Variants in NME7 observed in about 807,000 individuals in gnomAD.
NME7 encodes the protein nucleoside diphosphate kinase 7.
In NME7, 41 loss-of-function variants were observed where a neutral mutation model predicts 49.1. The ratio of observed to expected loss-of-function variants is 0.83; its 90% CI spans 0.65 to 1.08. The LOEUF (loss-of-function observed/expected upper bound fraction) is 1.08. NME7 is among the 50% of genes least tolerant of loss of function. The pLI is 0.00. For missense variants in NME7, 423 were observed against 463.4 expected (o/e 0.91, Z 0.80); for synonymous variants, 139 against 150.6 (o/e 0.92, Z 0.56).
chr1:169,199,324 T>C (rs763693749), intron 10 of NME7, among the ~76,000 whole-genome samples: 1 of 151,822 alleles, frequency 6.6e-6, no homozygotes, highest in African/African-American at 2.4e-5. Context: ...TAGATATCAT[T>C]ATTATTACAA....
Position 169,269,607 on chromosome 1 carries a change from A to T in NME7, c.754+17696T>A, listed in dbSNP as rs913772095. ...TACCAGGGCTCTTGGCTTACACAGC[A>T]CCAAAGCTACCATTACAGTGGATAG... On this transcript the variant is annotated intron_variant, in intron 7 of 11. Transcript: ENST00000367811. Among the ~76,000 whole-genome samples, 2 of 133,220 alleles carry T rather than the reference A, an allele frequency of 1.5e-5. 1 individual carries two copies. Among genetic ancestry groups the T allele is most frequent in the Admixed American group, 1.5e-4 (2 of 13,466 alleles). 87.4% of individuals were successfully genotyped at this position (133,220 alleles called of 152,430 possible). A position where few individuals can be genotyped will look rare whatever the true frequency, so the allele number is the denominator to read the frequency against.
At chr1:169,198,175 G>A (rs1660441656) in intron 10 of NME7, among the ~76,000 whole-genome samples, 1 of 151,996 alleles carries the variant, frequency 6.6e-6, no homozygotes, top group Non-Finnish European at 1.5e-5. Flanking sequence ...CACCCACTGA[G>A]ATGGCTAGAA....
At chr1:169,135,042 T>G (rs74650171) in intron 11 of NME7, among the ~76,000 whole-genome samples, 1 of 52,644 alleles carries the variant, frequency 1.9e-5, no homozygotes, top group Non-Finnish European at 4.1e-5. Flanking sequence ...AAAAAAAAAA[T>G]AGCCGAGCAT....
chr1:169,251,561 CT>C lies in NME7; in HGVS notation c.755-13875del, dbSNP rs34473903. Among the ~76,000 whole-genome samples the C allele has an allele frequency of 4.1e-3, 393 of 95,566 alleles. 2 individuals are homozygous for C. The highest frequency in any genetic ancestry group is 0.012 in the African/African-American group (357 of 28,712). The allele number at this position is 95,566 out of a possible 152,430, so 62.7% of individuals were successfully genotyped here. ...TACTCTGGTTTCTTTTTTTTTTTTT[CT>C]TTTTTTTTTTATTATACTTTAAGTT... On this transcript the variant is annotated intron_variant, in intron 7 of 11. Coordinates refer to ENST00000367811, the MANE Select transcript of NME7 (RefSeq NM_013330.5).
chr1:169,282,603 T>C (rs537963371), intron 7 of NME7, among the ~76,000 whole-genome samples: 16 of 152,338 alleles, frequency 1.1e-4, no homozygotes, highest in African/African-American at 3.8e-4. Flanking sequence ...TAATTTTCCA[T>C]CTAAAGACTA....
chr1:169,258,749 C>T (rs1050781912), intron 7 of NME7, among the ~76,000 whole-genome samples: 1 of 133,098 alleles, frequency 7.5e-6, no homozygotes, highest in South Asian at 2.3e-4. Context: ...TATGGGCCTC[C>T]ATTTTCTTCT....
rs1660010942 is a variant in NME7, at chr1:169,184,305, C to T, written c.991-14751G>A. On this transcript the variant is annotated intron_variant, in intron 10 of 11. Coordinates refer to ENST00000367811, the MANE Select transcript of NME7 (RefSeq NM_013330.5). Reference sequence around the variant, plus strand: ...TTTTAAAAAAATAAATAACTTTGAACTTCAACTAGTCTGTATAGTTAAGTA... The same window carrying T: ...TTTTAAAAAAATAAATAACTTTGAATTTCAACTAGTCTGTATAGTTAAGTA... Among the ~76,000 whole-genome samples, 5 of 152,114 alleles carry T rather than the reference C, an allele frequency of 3.3e-5. No individual in the cohort carries two copies. The South Asian group carries it at 8.3e-4, about 25-fold the overall frequency.
intron 7 of NME7, among the ~76,000 whole-genome samples, chr1:169,267,010 G>A (rs1311925804): frequency 1.5e-5 from 2 of 133,218 alleles, no homozygotes; most frequent in Admixed American, 7.4e-5. Flanking sequence ...GGAGGTTGCC[G>A]TGAGCCGAGA....
chr1:169,203,128 A>T (rs559106254), intron 10 of NME7, among the ~76,000 whole-genome samples: 1 of 152,138 alleles, frequency 6.6e-6, no homozygotes, highest in Non-Finnish European at 1.5e-5. Flanking sequence ...CAGGCTTGCA[A>T]TGGAAAATTC....
intron 10 of NME7, among the ~76,000 whole-genome samples, chr1:169,213,142 G>T (rs1167572392): frequency 6.6e-6 from 1 of 152,058 alleles, no homozygotes; most frequent in Non-Finnish European, 1.5e-5. Context: ...CTGGCCATGA[G>T]TTCAATGTTA....
intron 11 of NME7, among the ~76,000 whole-genome samples, chr1:169,156,854 A>G (rs1659090537): frequency 2.0e-5 from 3 of 152,210 alleles, no homozygotes; most frequent in African/African-American, 7.2e-5. Flanking sequence ...CTGGGCCATA[A>G]AGAATTACAA....
chr1:169,325,034 T>G (rs1652009717), intron 1 of NME7, among the ~76,000 whole-genome samples: 1 of 152,052 alleles, frequency 6.6e-6, no homozygotes, highest in Non-Finnish European at 1.5e-5. Flanking sequence ...AATGTGTTAG[T>G]CTAGGACCTC....
At chr1:169,154,747 G>A (rs1659017614) in intron 11 of NME7, among the ~76,000 whole-genome samples, 2 of 150,840 alleles carry the variant, frequency 1.3e-5, no homozygotes, top group Admixed American at 6.6e-5. Flanking sequence ...GCAGTGAGCT[G>A]AGATCAAGCC....
intron 7 of NME7, among the ~76,000 whole-genome samples, chr1:169,244,978 A>C (rs1452239702): frequency 1.3e-5 from 2 of 152,006 alleles, no homozygotes; most frequent in Non-Finnish European, 2.9e-5. Flanking sequence ...AAAATACAAA[A>C]ATTAGCCAGA....
intron 10 of NME7, among the ~76,000 whole-genome samples, chr1:169,188,308 G>C (rs184817395): frequency 6.6e-6 from 1 of 152,234 alleles, no homozygotes; most frequent in African/African-American, 2.4e-5. Flanking sequence ...TTTATTTCAT[G>C]GCATAGGGCA....
At chr1:169,236,721 C>CTTTTTTTTT (rs111598142) in intron 8 of NME7, among the ~76,000 whole-genome samples, 4 of 145,332 alleles carry the variant, frequency 2.8e-5, no homozygotes, top group Non-Finnish European at 3.0e-5. Flanking sequence ...AACTATTTCC[C>CTTTTTTTTT]TTTTTTTTTT....
chr1:169,285,540 A>T (rs1246634144), intron 7 of NME7: 2 of 150,424 alleles, frequency 1.3e-5, no homozygotes, highest in Non-Finnish European at 2.9e-5. Context: ...TAGAGGGAAC[A>T]GAATGGAGAT....
intron 7 of NME7, among the ~76,000 whole-genome samples, chr1:169,251,541 T>C (rs1322632793): frequency 7.4e-6 from 1 of 134,778 alleles, no homozygotes; most frequent in African/African-American, 2.7e-5. Context: ...CTAGATACTC[T>C]GGTTTCTTTT....
chr1:169,228,713 A>T (rs1647456194), intron 10 of NME7, among the ~76,000 whole-genome samples: 1 of 151,596 alleles, frequency 6.6e-6, no homozygotes, highest in Non-Finnish European at 1.5e-5. Context: ...AAAAGTACAA[A>T]AACCCCTCTT....
Sources: gnomAD v4.1 joint callset for allele counts (sites outside exome capture counted in the v4.1 genomes callset) on GRCh38, gnomAD v4.1.1 for gene constraint, MANE v1.5 for transcripts, NCBI Gene and HGNC (gene_info 2026-07-23, HGNC 2026-07-21) for gene names.